Variants in MLEC observed in about 807,000 individuals in gnomAD.
MLEC encodes the protein malectin.
Under a neutral mutation model 28.7 loss-of-function variants are expected in MLEC, and 7 were observed. The ratio of observed to expected loss-of-function variants is 0.24; its 90% CI spans 0.14 to 0.46. MLEC has a LOEUF of 0.46. MLEC is among the 20% of genes least tolerant of loss of function. The pLI is 0.99. For synonymous variants in MLEC, 142 were observed against 164.4 expected (o/e 0.86, Z 1.04); for missense variants, 237 against 391.1 (o/e 0.61, Z 3.32).
intron 1 of MLEC, among the ~76,000 whole-genome samples, chr12:120,692,232 A>G (rs1161875546): frequency 6.6e-6 from 1 of 152,220 alleles, no homozygotes. Flanking sequence ...TCCGTAAATC[A>G]AATGTAGTCG....
chr12:120,695,149 G>A lies in MLEC; in HGVS notation c.646G>A (p.Asp216Asn). 1 of 1,614,208 alleles carries A rather than the reference G, an allele frequency of 6.2e-7. No individual in the cohort carries two copies. The highest frequency in any genetic ancestry group is 2.2e-5 in the East Asian group (1 of 44,886). ...CALYIMAGTV[D>N]DVPKLQPHPG... ...ACTCTACATCATGGCTGGGACAGTG[G>A]ATGGTAGGTTGTGTTCTGACCTGCT... Residue 216 changes from aspartate (D) to asparagine (N), a missense_variant, in exon 4 of 5, where the codon GAT becomes AAT. Asp to Asn is a conservative substitution (Grantham distance 23). Coordinates refer to ENST00000228506, the MANE Select transcript of MLEC (RefSeq NM_014730.4).
At position 120,700,091 on chromosome 12, in the gene MLEC, A is replaced by G. The variant is rs1369413715; in HGVS notation, c.*3546A>G. 2.0e-5 allele frequency: 3 copies of G among 152,634 alleles called. No individual in the cohort carries two copies. The highest frequency in any genetic ancestry group is 4.4e-5 in the Non-Finnish European group (3 of 68,048). The allele number at this position is 152,634 out of a possible 1,614,324, so 9.5% of individuals were successfully genotyped here. A position where few individuals can be genotyped will look rare whatever the true frequency, so the allele number is the denominator to read the frequency against. Reference sequence around the variant, plus strand: ...AGTGCTAAAATCCCTTTCCCTAGAAATTGGCTCACCTTGGGAAACCCAGGG... The same window carrying G: ...AGTGCTAAAATCCCTTTCCCTAGAAGTTGGCTCACCTTGGGAAACCCAGGG... On this transcript the variant is annotated 3_prime_UTR_variant, in exon 5 of 5. Transcript: ENST00000228506. The surrounding 1 kb of genome is among the most constrained non-coding windows in gnomAD (Gnocchi z 4.0).
intron 1 of MLEC, among the ~76,000 whole-genome samples, chr12:120,688,583 G>A (rs949298317): frequency 6.6e-6 from 1 of 152,244 alleles, no homozygotes. Flanking sequence ...CAAATTGGCA[G>A]TATGCCACCT....
In MLEC at chr12:120,687,153, C is replaced by A; in HGVS notation, c.-144C>A. The A allele has an allele frequency of 1.1e-6, 1 of 906,628 alleles. No homozygotes were observed. Among genetic ancestry groups the A allele is most frequent in the Non-Finnish European group, 1.5e-6 (1 of 686,774 alleles). 56.2% of individuals were successfully genotyped at this position (906,628 alleles called of 1,614,324 possible). On this transcript the variant is annotated 5_prime_UTR_variant, in exon 1 of 5. It adds an upstream start codon to the 5' untranslated region. Coordinates refer to ENST00000228506, the MANE Select transcript of MLEC (RefSeq NM_014730.4). The surrounding 1 kb of genome is among the most constrained non-coding windows in gnomAD (Gnocchi z 8.1). ...CTGAGGTGGGAGGCGGTACCCGTGG[C>A]TGAGAAGAAGGAGGCCTGAGAGCGA... is the stretch of plus-strand genomic sequence containing the variant.
intron 1 of MLEC, among the ~76,000 whole-genome samples, chr12:120,692,161 C>CA (rs1882063857): frequency 6.6e-6 from 1 of 151,818 alleles, no homozygotes. Flanking sequence ...ACTCCGTCTC[C>CA]AAAAAACAAA....
chr12:120,691,854 T>C (rs1048416091), intron 1 of MLEC, among the ~76,000 whole-genome samples: 2 of 152,076 alleles, frequency 1.3e-5, no homozygotes, highest in African/African-American at 4.8e-5. Flanking sequence ...CTTTTTCCAC[T>C]TGGCAAGAAA....
rs1008661354 is a variant in MLEC at position 120,701,406 on chromosome 12, G to A, written c.*4861G>A. ...GAATCTTACCTTTTCCTTCCACAAA[G>A]TTCTCCCAGGCAAGGACCAGCTGCC... is the stretch of plus-strand genomic sequence containing the variant. On this transcript the variant is annotated 3_prime_UTR_variant, in exon 5 of 5. Coordinates refer to ENST00000228506, the MANE Select transcript of MLEC (RefSeq NM_014730.4). The surrounding 1 kb of genome is among the most constrained non-coding windows in gnomAD (Gnocchi z 4.0). The A allele has an allele frequency of 4.6e-5, 7 of 152,590 alleles. No individual in the cohort carries two copies. Among genetic ancestry groups the A allele is most frequent in the Admixed American group, 6.5e-5 (1 of 15,270 alleles). 9.5% of individuals were successfully genotyped at this position (152,590 alleles called of 1,614,324 possible).
At chr12:120,692,425 T>C (rs1882076040) in intron 1 of MLEC, among the ~76,000 whole-genome samples, 1 of 152,126 alleles carries the variant, frequency 6.6e-6, no homozygotes, top group African/African-American at 2.4e-5. Context: ...GCTCAGCTAC[T>C]CTTTGATTTC....
chr12:120,694,623 CAATA>C lies in MLEC; in HGVS notation c.415-200_415-197del, dbSNP rs2137419006. Among the ~76,000 whole-genome samples the C allele has an allele frequency of 6.6e-6, 1 of 152,190 alleles. No individual in the cohort carries two copies. The highest frequency in any genetic ancestry group is 2.4e-5 in the African/African-American group (1 of 41,498). ...GTTTGTATTCTTTGTTCCTTAAAGC[CAATA>C]TAAGAACTCCTGGGCAGTGAAGGAA... is the stretch of plus-strand genomic sequence containing the variant. On this transcript the variant is annotated intron_variant, in intron 2 of 4. Transcript: ENST00000228506. The surrounding 1 kb of genome is among the most constrained non-coding windows in gnomAD (Gnocchi z 4.5).
At chr12:120,695,971 A>G (rs1316179983) in intron 4 of MLEC, among the ~76,000 whole-genome samples, 1 of 152,162 alleles carries the variant, frequency 6.6e-6, no homozygotes, top group African/African-American at 2.4e-5. Flanking sequence ...TCAAAAGGGA[A>G]TGTGGGCTTG....
At chr12:120,693,967 G>C (rs1203464439) in intron 1 of MLEC, 124 bp from the exon 2 acceptor site, 5 of 783,820 alleles carry the variant, frequency 6.4e-6, no homozygotes, top group Non-Finnish European at 9.9e-6. Context: ...GTGCAGAGTG[G>C]GTGGCCCCTT....
At chr12:120,695,980 TGTG>T (rs1882214553) in intron 4 of MLEC, among the ~76,000 whole-genome samples, 1 of 152,158 alleles carries the variant, frequency 6.6e-6, no homozygotes, top group Admixed American at 6.5e-5. Flanking sequence ...AATGTGGGCT[TGTG>T]GGAGGAGGAG....
Position 120,694,407 on chromosome 12 carries a change from G to T in MLEC, c.414+138G>T, listed in dbSNP as rs144422170. 60 of 862,328 alleles carry T rather than the reference G, an allele frequency of 7.0e-5. No homozygotes were observed. The highest frequency in any genetic ancestry group is 1.0e-4 in the Non-Finnish European group (58 of 575,064). 53.4% of individuals were successfully genotyped at this position (862,328 alleles called of 1,614,324 possible). ...GCTCTAGAGAAGCATGTTCCATAGTGCACAAGGCTGCACTTGCCTTGGGGG... is the reference window on the plus strand; with the variant it reads ...GCTCTAGAGAAGCATGTTCCATAGTTCACAAGGCTGCACTTGCCTTGGGGG... On this transcript the variant is annotated intron_variant, in intron 2 of 4. Coordinates refer to ENST00000228506, the MANE Select transcript of MLEC (RefSeq NM_014730.4). The surrounding 1 kb of genome is among the most constrained non-coding windows in gnomAD (Gnocchi z 4.5).
At chr12:120,689,521 C>T (rs1196106575) in intron 1 of MLEC, among the ~76,000 whole-genome samples, 1 of 152,182 alleles carries the variant, frequency 6.6e-6, no homozygotes, top group African/African-American at 2.4e-5. Context: ...CAGTTTGGAC[C>T]AGCTTGTTGC....
chr12:120,691,769 T>C (rs781328501), intron 1 of MLEC, among the ~76,000 whole-genome samples: 5 of 152,184 alleles, frequency 3.3e-5, no homozygotes, highest in Admixed American at 6.5e-5. Flanking sequence ...TGTTAAGTAA[T>C]TTTTGTTCAC....
At chr12:120,692,992 G>C (rs191627305) in intron 1 of MLEC, among the ~76,000 whole-genome samples, 1 of 152,108 alleles carries the variant, frequency 6.6e-6, no homozygotes, top group Non-Finnish European at 1.5e-5. Context: ...AGGCCGATGC[G>C]GGTGGATCAC....
intron 1 of MLEC, among the ~76,000 whole-genome samples, chr12:120,689,020 GAT>G (rs912496497): frequency 3.3e-5 from 5 of 152,358 alleles, no homozygotes; most frequent in African/African-American, 9.6e-5. Flanking sequence ...TGCCTCTTGA[GAT>G]AGCGGTGGTG....
intron 1 of MLEC, among the ~76,000 whole-genome samples, chr12:120,690,229 T>C (rs1881988537): frequency 6.6e-6 from 1 of 152,202 alleles, no homozygotes; most frequent in African/African-American, 2.4e-5. Flanking sequence ...CAGGCTGGTC[T>C]TGAACTTCTG....
Position 120,687,539 on chromosome 12 carries a change from TC to T in MLEC, c.235+13del. The stretch of plus-strand genomic sequence containing the variant: ...AAGGCCGGGTGGGCCGAGGTGAGAG[TC>T]CCCCTGCCGAGCCGCGGGATCCAGG... On this transcript the variant is annotated intron_variant, in intron 1 of 4. Transcript: ENST00000228506. The surrounding 1 kb of genome is among the most constrained non-coding windows in gnomAD (Gnocchi z 8.1). The T allele has an allele frequency of 2.0e-6, 3 of 1,474,132 alleles. No individual in the cohort carries two copies. Among genetic ancestry groups the T allele is most frequent in the Non-Finnish European group, 2.7e-6 (3 of 1,113,946 alleles). 91.3% of individuals were successfully genotyped at this position (1,474,132 alleles called of 1,614,324 possible). A position where few individuals can be genotyped will look rare whatever the true frequency, so the allele number is the denominator to read the frequency against.
Sources: gnomAD v4.1 joint callset for allele counts (sites outside exome capture counted in the v4.1 genomes callset) on GRCh38, gnomAD v4.1.1 for gene constraint, Gnocchi (gnomAD v3.1) non-coding constraint, MANE v1.5 for transcripts, NCBI Gene and HGNC (gene_info 2026-07-23, HGNC 2026-07-21) for gene names.